Variants in KCNQ5 observed in about 807,000 individuals in gnomAD.
The protein encoded by KCNQ5 is potassium voltage-gated channel subfamily Q member 5.
Under a neutral mutation model 98.2 loss-of-function variants are expected in KCNQ5, and 30 were observed. The ratio of observed to expected loss-of-function variants is 0.31; its 90% CI spans 0.23 to 0.41. KCNQ5 has a LOEUF of 0.41. Ranked by LOEUF, KCNQ5 falls within the 10% of genes least tolerant of loss-of-function variation. The pLI is 1.00. For missense variants in KCNQ5, 835 were observed against 1,182.5 expected (o/e 0.71, Z 4.31); for synonymous variants, 458 against 449.4 (o/e 1.02, Z -0.24).
intron 1 of KCNQ5, among the ~76,000 whole-genome samples, chr6:72,886,799 T>C (rs942083514): frequency 9.1e-4 from 138 of 152,246 alleles, no homozygotes; most frequent in African/African-American, 3.1e-3. Context: ...CAGGTGTAAT[T>C]GTATGTCTTT....
intron 1 of KCNQ5, among the ~76,000 whole-genome samples, chr6:72,796,007 C>T (rs536597717): frequency 3.7e-4 from 57 of 152,126 alleles, no homozygotes; most frequent in African/African-American, 1.3e-3. Flanking sequence ...AAAATGTACA[C>T]CTTTAAAAGA....
At chr6:73,165,568 TG>T (rs1202659235) in intron 10 of KCNQ5, among the ~76,000 whole-genome samples, 1 of 152,190 alleles carries the variant, frequency 6.6e-6, no homozygotes, top group Non-Finnish European at 1.5e-5. Flanking sequence ...GGATTTGATA[TG>T]GGGTCCACAC....
chr6:72,645,248 T>C (rs962810739), intron 1 of KCNQ5, among the ~76,000 whole-genome samples: 7 of 148,466 alleles, frequency 4.7e-5, no homozygotes, highest in African/African-American at 1.8e-4. Flanking sequence ...TAGCTGCGTA[T>C]GGTGGGTGCA....
intron 1 of KCNQ5, among the ~76,000 whole-genome samples, chr6:72,724,776 G>A (rs937634425): frequency 6.6e-6 from 1 of 152,074 alleles, no homozygotes; most frequent in Admixed American, 6.6e-5. Flanking sequence ...GACGACCTGT[G>A]GTTTTACTCA....
At chr6:72,866,540 C>T (rs909244080) in intron 1 of KCNQ5, among the ~76,000 whole-genome samples, 3 of 152,192 alleles carry the variant, frequency 2.0e-5, no homozygotes, top group East Asian at 1.9e-4. Flanking sequence ...CAGACATGAG[C>T]GACTGCATCT....
At chr6:73,111,451 C>T in intron 7 of KCNQ5, 48 bp downstream of exon 7, 2 of 1,182,250 alleles carry the variant, frequency 1.7e-6, no homozygotes, top group Non-Finnish European at 2.5e-6. Flanking sequence ...GTCCATAGTG[C>T]TTGATGGGTC....
At chr6:73,146,626 CAAAAAAAAAAAAA>C (rs58798764) in intron 10 of KCNQ5, among the ~76,000 whole-genome samples, 16 of 28,484 alleles carry the variant, frequency 5.6e-4, no homozygotes, top group Non-Finnish European at 1.2e-3. Context: ...GTCCCTGTCT[CAAAAAAAAAAAAA>C]AAAAAAAAAA....
At chr6:72,759,584 A>T (rs911636732) in intron 1 of KCNQ5, among the ~76,000 whole-genome samples, 1 of 152,052 alleles carries the variant, frequency 6.6e-6, no homozygotes, top group Non-Finnish European at 1.5e-5. Context: ...TTGTGAGTAG[A>T]TGACCATGCC....
chr6:72,785,566 C>A (rs1323715352), intron 1 of KCNQ5, among the ~76,000 whole-genome samples: 1 of 151,892 alleles, frequency 6.6e-6, no homozygotes, highest in African/African-American at 2.4e-5. Flanking sequence ...AGGAGAATCC[C>A]TTAAACCTGG....
chr6:72,932,537 T>C (rs1020699341), intron 1 of KCNQ5, among the ~76,000 whole-genome samples: 1 of 152,190 alleles, frequency 6.6e-6, no homozygotes, highest in African/African-American at 2.4e-5. Context: ...AAAATTATAA[T>C]AGATGCTTAC....
chr6:72,672,727 T>C (rs2154473426), intron 1 of KCNQ5, among the ~76,000 whole-genome samples: 1 of 152,278 alleles, frequency 6.6e-6, no homozygotes, highest in African/African-American at 2.4e-5. Context: ...AAGAAAGGAC[T>C]TTGTAAAGTA....
At chr6:72,898,579 G>A (rs1205898470) in intron 1 of KCNQ5, among the ~76,000 whole-genome samples, 1 of 152,142 alleles carries the variant, frequency 6.6e-6, no homozygotes, top group Non-Finnish European at 1.5e-5. Context: ...TATAATTGAT[G>A]AACATTTGGG....
chr6:72,851,322 G>GTATTT (rs2150142492), intron 1 of KCNQ5, among the ~76,000 whole-genome samples: 1 of 152,214 alleles, frequency 6.6e-6, no homozygotes, highest in South Asian at 2.1e-4. Context: ...ATACAATTTT[G>GTATTT]TGTCTCTTGT....
rs117150608 is a variant in KCNQ5 at position 73,161,159 on chromosome 6, A to C, written c.1469-8587A>C. On this transcript the variant is annotated intron_variant, in intron 10 of 13. Coordinates refer to ENST00000370398, the MANE Select transcript of KCNQ5 (RefSeq NM_019842.4). Reference sequence around the variant, plus strand: ...AGAATGAAATCCTGTCATTTGCAGCAACATGGATAGGACTGGAGGCCATTA... The same window carrying C: ...AGAATGAAATCCTGTCATTTGCAGCCACATGGATAGGACTGGAGGCCATTA... Among the ~76,000 whole-genome samples the C allele has an allele frequency of 2.6e-3, 397 of 152,368 alleles. 11 individuals carry two copies. The East Asian group carries it at 0.061, about 24-fold the overall frequency.
intron 1 of KCNQ5, among the ~76,000 whole-genome samples, chr6:72,949,202 C>A (rs1159183312): frequency 6.6e-6 from 1 of 152,172 alleles, no homozygotes; most frequent in Non-Finnish European, 1.5e-5. Context: ...TTATATAAAT[C>A]ATCTGCCTGT....
intron 1 of KCNQ5, among the ~76,000 whole-genome samples, chr6:72,725,686 A>G (rs1482335284): frequency 2.0e-5 from 3 of 152,140 alleles, no homozygotes; most frequent in Non-Finnish European, 4.4e-5. Flanking sequence ...TTTCACCACA[A>G]AAAAAATGGT....
intron 1 of KCNQ5, among the ~76,000 whole-genome samples, chr6:72,687,836 T>C (rs1451897357): frequency 4.9e-5 from 4 of 81,312 alleles, no homozygotes; most frequent in African/African-American, 6.7e-5. Context: ...TATTGATCCC[T>C]TTTTTTTTTT....
intron 2 of KCNQ5, among the ~76,000 whole-genome samples, chr6:73,039,337 A>G (rs985806790): frequency 1.3e-5 from 2 of 151,820 alleles, no homozygotes; most frequent in African/African-American, 4.8e-5. Flanking sequence ...GCTCTTTTCT[A>G]TGTTATTTCC....
chr6:72,632,000 C>T (rs1481076054), intron 1 of KCNQ5, among the ~76,000 whole-genome samples: 1 of 152,142 alleles, frequency 6.6e-6, no homozygotes, highest in African/African-American at 2.4e-5. Flanking sequence ...GTAACCTGTC[C>T]AAAGTCAGCT....
Sources: gnomAD v4.1 joint callset for allele counts (sites outside exome capture counted in the v4.1 genomes callset) on GRCh38, gnomAD v4.1.1 for gene constraint, MANE v1.5 for transcripts, NCBI Gene and HGNC (gene_info 2026-07-23, HGNC 2026-07-21) for gene names.